TCF12: variants seen among roughly 807,000 people sequenced by gnomAD.
TCF12 encodes transcription factor 12, also known as DNA-binding protein HTF4.
In TCF12, 45 loss-of-function variants were observed where a neutral mutation model predicts 86.0. The observed-to-expected ratio is 0.52, with a 90% CI of 0.41 to 0.67. The LOEUF (loss-of-function observed/expected upper bound fraction) is 0.67, where lower values mean the gene tolerates loss of function less well. TCF12 is among the 30% of genes least tolerant of loss of function. TCF12 has a pLI of 0.00. For synonymous variants in TCF12, 330 were observed against 299.6 expected (o/e 1.10, Z -1.05); for missense variants, 881 against 859.9 (o/e 1.02, Z -0.31).
chr15:57,146,706 T>G (rs2053387742), intron 5 of TCF12, among the ~76,000 whole-genome samples: 1 of 152,232 alleles, frequency 6.6e-6, no homozygotes, highest in Non-Finnish European at 1.5e-5. Flanking sequence ...TTAAATATTA[T>G]ACATTCCTCT....
At chr15:57,126,439 T>A (rs946783528) in intron 5 of TCF12, among the ~76,000 whole-genome samples, 12 of 152,190 alleles carry the variant, frequency 7.9e-5, no homozygotes, top group African/African-American at 2.9e-4. Flanking sequence ...TCATAATCTC[T>A]ACTCTCCATC....
intron 6 of TCF12, among the ~76,000 whole-genome samples, chr15:57,184,465 T>C (rs775116898): frequency 3.3e-5 from 5 of 152,196 alleles, no homozygotes; most frequent in African/African-American, 9.6e-5. Flanking sequence ...CCTTCTGATA[T>C]ATTTGTTTGT....
intron 5 of TCF12, among the ~76,000 whole-genome samples, chr15:57,140,761 A>G (rs533375712): frequency 1.3e-5 from 2 of 152,344 alleles, no homozygotes; most frequent in South Asian, 4.1e-4. Flanking sequence ...TGATGCTGAG[A>G]TAATTGGTTT....
intron 5 of TCF12, among the ~76,000 whole-genome samples, chr15:57,114,691 G>A (rs2050722387): frequency 6.6e-6 from 1 of 152,092 alleles, no homozygotes; most frequent in South Asian, 2.1e-4. Context: ...ATTTCTTAGG[G>A]TACATGAATT....
At chr15:56,925,217 A>G (rs541595070) in intron 3 of TCF12, among the ~76,000 whole-genome samples, 1 of 151,316 alleles carries the variant, frequency 6.6e-6, no homozygotes, top group African/African-American at 2.4e-5. Flanking sequence ...ACAAAAAAAA[A>G]CCACAAACAA....
chr15:56,958,714 T>TGTGTGTGTGA (rs1468583208), intron 3 of TCF12, among the ~76,000 whole-genome samples: 1 of 141,970 alleles, frequency 7.0e-6, no homozygotes, highest in Non-Finnish European at 1.6e-5. Flanking sequence ...TGTGTGTGTG[T>TGTGTGTGTGA]GAAGTGCAAT....
chr15:57,222,758 ATTTTTTTTTTTTTTTTTTTTTTTT>A (rs57645813), intron 8 of TCF12, among the ~76,000 whole-genome samples: 24 of 45,532 alleles, frequency 5.3e-4, no homozygotes, highest in Admixed American at 1.9e-3. Context: ...AAGGACTGCC[ATTTTTTTTTTTTTTTTTTTTTTTT>A]TTTTTTTTTT....
intron 4 of TCF12, among the ~76,000 whole-genome samples, chr15:57,074,018 G>A (rs947780676): frequency 2.0e-5 from 3 of 152,134 alleles, no homozygotes; most frequent in Admixed American, 2.0e-4. Context: ...CCAAAGTGCT[G>A]GGATTACAGG....
intron 20 of TCF12, among the ~76,000 whole-genome samples, chr15:57,285,780 A>G (rs929736478): frequency 6.6e-6 from 1 of 152,108 alleles, no homozygotes; most frequent in Admixed American, 6.5e-5. Flanking sequence ...ATCTTACCAT[A>G]TAGCCGGGTG....
Position 57,263,141 on chromosome 15 carries a change from G to C in TCF12, c.1612G>C (p.Val538Leu), listed in dbSNP as rs767728750. Residue 538 changes from valine to leucine, a missense_variant, in exon 18 of 21, where the codon GTT becomes CTT. This residue lies in a region of TCF12 where 766 missense variants were observed against 718.9 expected (regional missense o/e 1.07). Coordinates refer to ENST00000333725, the MANE Select transcript of TCF12 (RefSeq NM_207037.2). ...CTTGCAAAGTCAGTCTGGAACTGTT[G>C]TTACAACAGAAATCAAGACTGAAAA... Reference protein sequence around the residue: ...GGLQSQSGTVVTTEIKTENKE... With the variant: ...GGLQSQSGTVLTTEIKTENKE... 1 of 1,611,700 alleles carries C rather than the reference G, an allele frequency of 6.2e-7. No individual in the cohort carries two copies. Among genetic ancestry groups the C allele is most frequent in the Non-Finnish European group, 8.5e-7 (1 of 1,179,402 alleles).
chr15:57,253,218 A>G (rs770550338), intron 15 of TCF12, 44 bp from the exon 16 acceptor site: 11 of 1,604,144 alleles, frequency 6.9e-6, no homozygotes, highest in South Asian at 2.2e-5. Context: ...TGAATCTAAC[A>G]GATGCCAGCA....
chr15:57,277,943 G>GA (rs113889073), intron 19 of TCF12, among the ~76,000 whole-genome samples: 120 of 140,424 alleles, frequency 8.5e-4, no homozygotes, highest in Middle Eastern at 3.6e-3. Flanking sequence ...CTGTCTCAAA[G>GA]AAAAAAAAAA....
intron 3 of TCF12, among the ~76,000 whole-genome samples, chr15:57,013,963 G>C (rs2064994105): frequency 6.6e-6 from 1 of 152,196 alleles, no homozygotes; most frequent in Non-Finnish European, 1.5e-5. Context: ...TAAGGTGCAA[G>C]ATGTTGGTGT....
At chr15:57,036,101 G>C (rs1365031851) in intron 3 of TCF12, among the ~76,000 whole-genome samples, 2 of 148,286 alleles carry the variant, frequency 1.3e-5, no homozygotes, top group Non-Finnish European at 3.0e-5. Flanking sequence ...TGCCTTGACT[G>C]ACACATTGAA....
At chr15:56,991,460 T>G (rs1873466641) in intron 3 of TCF12, among the ~76,000 whole-genome samples, 1 of 152,214 alleles carries the variant, frequency 6.6e-6, no homozygotes, top group Admixed American at 6.5e-5. Flanking sequence ...TTCTAATTTC[T>G]ACAATATAAG....
chr15:57,241,047 A>G (rs1333813423), intron 12 of TCF12, among the ~76,000 whole-genome samples: 3 of 152,010 alleles, frequency 2.0e-5, no homozygotes, highest in Non-Finnish European at 2.9e-5. Flanking sequence ...TAATTTTCCC[A>G]TGTGTCCAAT....
At chr15:57,197,666 A>G in intron 7 of TCF12, 107 bp from the exon 8 acceptor site, 1 of 1,298,406 alleles carries the variant, frequency 7.7e-7, no homozygotes, top group Non-Finnish European at 1.1e-6. Context: ...ACTCCCAAAT[A>G]TTGGAAAACA....
At chr15:57,073,492 T>C (rs147890868) in intron 4 of TCF12, among the ~76,000 whole-genome samples, 1 of 152,226 alleles carries the variant, frequency 6.6e-6, no homozygotes, top group Non-Finnish European at 1.5e-5. Flanking sequence ...CACTTTCATG[T>C]TACCTGCTTT....
chr15:56,988,188 T>A (rs1366387573), intron 3 of TCF12, among the ~76,000 whole-genome samples: 1 of 152,232 alleles, frequency 6.6e-6, no homozygotes, highest in East Asian at 1.9e-4. Flanking sequence ...TATAGTCATG[T>A]GTCACTTGAC....
Sources: allele counts gnomAD v4.1 joint callset (sites outside exome capture counted in the v4.1 genomes callset), GRCh38; gene constraint gnomAD v4.1.1; regional missense constraint gnomAD v4.1.1; transcripts MANE v1.5; gene names NCBI Gene and HGNC (gene_info 2026-07-23, HGNC 2026-07-21).